CDK8: variants seen among roughly 807,000 people sequenced by gnomAD.
The protein encoded by CDK8 is cyclin dependent kinase 8, also known as cyclin-dependent kinase 8.
Under a neutral mutation model 71.5 loss-of-function variants are expected in CDK8, and 29 were observed. The ratio of observed to expected loss-of-function variants is 0.41; its 90% CI spans 0.30 to 0.55. CDK8 has a LOEUF of 0.55. CDK8 is among the 20% of genes least tolerant of loss of function. The pLI is 0.37. For synonymous variants in CDK8, 161 were observed against 192.1 expected (o/e 0.84, Z 1.34); for missense variants, 288 against 572.6 (o/e 0.50, Z 5.07).
chr13:26,376,960 A>G (rs1186871822), intron 4 of CDK8, among the ~76,000 whole-genome samples: 1 of 152,238 alleles, frequency 6.6e-6, no homozygotes, highest in Non-Finnish European at 1.5e-5. Flanking sequence ...GGTTAGTAGA[A>G]TGGATTAGAG....
intron 1 of CDK8, among the ~76,000 whole-genome samples, chr13:26,330,180 A>G (rs1219535862): frequency 6.6e-6 from 1 of 151,862 alleles, no homozygotes; most frequent in Non-Finnish European, 1.5e-5. Flanking sequence ...TAGTCATCCC[A>G]CTCTGCTGTC....
At position 26,254,635 on chromosome 13, in the gene CDK8, T is replaced by A; in HGVS notation, c.-7T>A. The A allele has an allele frequency of 2.6e-6, 4 of 1,567,504 alleles. No homozygotes were observed. The highest frequency in any genetic ancestry group is 1.7e-6 in the Non-Finnish European group (2 of 1,150,868). On this transcript the variant is annotated 5_prime_UTR_variant, in exon 1 of 13. Transcript: ENST00000381527. The surrounding 1 kb of genome is among the most constrained non-coding windows in gnomAD (Gnocchi z 6.7). Reference sequence around the variant, plus strand: ...GACCCAGCTCTCCGGCCTCAGAGGCTGTGACAATGGACTATGACTTTAAAG... The same window carrying A: ...GACCCAGCTCTCCGGCCTCAGAGGCAGTGACAATGGACTATGACTTTAAAG...
intron 4 of CDK8, among the ~76,000 whole-genome samples, chr13:26,363,625 C>T (rs982480248): frequency 3.9e-5 from 6 of 152,108 alleles, no homozygotes; most frequent in African/African-American, 1.4e-4. Flanking sequence ...CTGCCTTGGC[C>T]TCCCAAAGTG....
intron 4 of CDK8, among the ~76,000 whole-genome samples, chr13:26,359,315 T>C (rs1165068259): frequency 6.6e-6 from 1 of 152,172 alleles, no homozygotes; most frequent in Admixed American, 6.5e-5. Context: ...AATGTGCATT[T>C]AATACTGAAC....
intron 1 of CDK8, among the ~76,000 whole-genome samples, chr13:26,277,739 A>G (rs1872607316): frequency 6.6e-6 from 1 of 152,198 alleles, no homozygotes; most frequent in African/African-American, 2.4e-5. Flanking sequence ...AGTTGGATAG[A>G]AGCACTTTAT....
At chr13:26,341,038 CA>C (rs1398595628) in intron 2 of CDK8, among the ~76,000 whole-genome samples, 2 of 152,208 alleles carry the variant, frequency 1.3e-5, no homozygotes. Context: ...CAGTATTCCA[CA>C]AGGCTGCCTT....
intron 1 of CDK8, among the ~76,000 whole-genome samples, chr13:26,295,742 T>C (rs1461540547): frequency 6.6e-6 from 1 of 152,196 alleles, no homozygotes; most frequent in Non-Finnish European, 1.5e-5. Flanking sequence ...ATAGATAGTA[T>C]GTGATTGTTA....
intron 1 of CDK8, among the ~76,000 whole-genome samples, chr13:26,273,069 A>G (rs753913699): frequency 2.0e-5 from 3 of 152,102 alleles, no homozygotes; most frequent in Non-Finnish European, 2.9e-5. Context: ...AAAAACTTCT[A>G]TGTTTTTTCC....
At chr13:26,264,176 A>C (rs1015945181) in intron 1 of CDK8, among the ~76,000 whole-genome samples, 2 of 152,228 alleles carry the variant, frequency 1.3e-5, no homozygotes, top group African/African-American at 4.8e-5. Context: ...TTTATTTTTT[A>C]ATGCTGACTT....
At chr13:26,402,813 C>T (rs138434832) in intron 12 of CDK8, among the ~76,000 whole-genome samples, 4 of 152,274 alleles carry the variant, frequency 2.6e-5, no homozygotes, top group East Asian at 1.9e-4. Flanking sequence ...CTTCTGGAAC[C>T]GAGAAAATGA....
chr13:26,383,397 G>A (rs1485432346), intron 5 of CDK8, among the ~76,000 whole-genome samples: 1 of 152,068 alleles, frequency 6.6e-6, no homozygotes, highest in African/African-American at 2.4e-5. Context: ...AAAATAATGG[G>A]CATTCTGTAC....
At chr13:26,327,589 G>A (rs1460138438) in intron 1 of CDK8, among the ~76,000 whole-genome samples, 1 of 152,192 alleles carries the variant, frequency 6.6e-6, no homozygotes, top group Non-Finnish European at 1.5e-5. Flanking sequence ...GGAACTTTGG[G>A]AGGCTGAGGC....
rs569496296 is a variant in CDK8, at chr13:26,273,833, G to C, written c.128+19064G>C. On this transcript the variant is annotated intron_variant, in intron 1 of 12. Transcript: ENST00000381527. ...TAACTATCAATTGTAGAAAATACAA[G>C]TAAAGTCTAAGAAGAAAATAAAATT... Among the ~76,000 whole-genome samples, 4 of 152,066 alleles carry C rather than the reference G, an allele frequency of 2.6e-5. No individual in the cohort carries two copies. The South Asian group carries it at 8.3e-4, about 32-fold the overall frequency.
At chr13:26,325,257 A>G (rs1874967242) in intron 1 of CDK8, among the ~76,000 whole-genome samples, 1 of 152,208 alleles carries the variant, frequency 6.6e-6, no homozygotes, top group Admixed American at 6.5e-5. Flanking sequence ...CATTAACTAA[A>G]AAGTTACCTA....
rs1871424001 is a variant in CDK8 at position 26,254,482 on chromosome 13, G to T, written c.-160G>T. On this transcript the variant is annotated 5_prime_UTR_variant, in exon 1 of 13. Transcript: ENST00000381527. The surrounding 1 kb of genome is among the most constrained non-coding windows in gnomAD (Gnocchi z 6.7). ...CCTGGATGTCCCTGGCGCTTTCGCGGGGCCTCCTCCTGCTCTTGCCGCATC... is the reference window on the plus strand; with the variant it reads ...CCTGGATGTCCCTGGCGCTTTCGCGTGGCCTCCTCCTGCTCTTGCCGCATC... The T allele has an allele frequency of 1.8e-6, 1 of 555,464 alleles. No individual in the cohort carries two copies. The highest frequency in any genetic ancestry group is 3.4e-5 in the East Asian group (1 of 29,034). The allele number at this position is 555,464 out of a possible 1,614,324, so 34.4% of individuals were successfully genotyped here. A position where few individuals can be genotyped will look rare whatever the true frequency, so the allele number is the denominator to read the frequency against.
intron 1 of CDK8, among the ~76,000 whole-genome samples, chr13:26,264,941 G>A (rs1434474786): frequency 6.6e-6 from 1 of 152,098 alleles, no homozygotes; most frequent in Admixed American, 6.5e-5. Context: ...GTATTCCATT[G>A]TGAATATATG....
intron 4 of CDK8, among the ~76,000 whole-genome samples, chr13:26,355,348 G>A (rs1873847938): frequency 6.6e-6 from 1 of 152,208 alleles, no homozygotes; most frequent in African/African-American, 2.4e-5. Context: ...AGGCACAGTG[G>A]TTCATGCCTA....
At chr13:26,379,994 T>G (rs559114120) in intron 4 of CDK8, among the ~76,000 whole-genome samples, 1 of 152,312 alleles carries the variant, frequency 6.6e-6, no homozygotes, top group South Asian at 2.1e-4. Flanking sequence ...GACATAGTTG[T>G]GAAAGGTTGC....
At chr13:26,359,796 A>G in intron 4 of CDK8, 2 of 330,848 alleles carry the variant, frequency 6.0e-6, no homozygotes, top group Non-Finnish European at 1.2e-5. Flanking sequence ...GCTCACTTGA[A>G]CCTCTGCCTC....
Sources: gnomAD v4.1 joint callset for allele counts (sites outside exome capture counted in the v4.1 genomes callset) on GRCh38, gnomAD v4.1.1 for gene constraint, Gnocchi (gnomAD v3.1) non-coding constraint, MANE v1.5 for transcripts, NCBI Gene and HGNC (gene_info 2026-07-23, HGNC 2026-07-21) for gene names.